The following MAPK10 variants were observed in gnomAD, a reference collection of about 807,000 sequenced individuals.
MAPK10 encodes mitogen-activated protein kinase 10, also known as JNK3 alpha protein kinase.
Under a neutral mutation model 59.3 loss-of-function variants are expected in MAPK10, and 25 were observed. That is an observed-to-expected ratio of 0.42 (90% CI 0.31 to 0.59). MAPK10 has a LOEUF of 0.59. Among genes scored for constraint, MAPK10 ranks in the 20% least tolerant of loss-of-function variants. The probability of loss-of-function intolerance (pLI) is 0.15; values close to 1 mark genes in which losing one functional copy is unlikely to be tolerated. For synonymous variants in MAPK10, 190 were observed against 200.5 expected (o/e 0.95, Z 0.44); for missense variants, 351 against 568.9 (o/e 0.62, Z 3.90).
chr4:86,193,978 T>C (rs1463034429), intron 3 of MAPK10: 3 of 235,678 alleles, frequency 1.3e-5, no homozygotes, highest in African/African-American at 2.3e-5. Flanking sequence ...CAGTTCCTCA[T>C]GGCTTCCCTT....
In MAPK10 at chr4:86,186,627, AAC is replaced by A. The variant is rs142381098; in HGVS notation, c.66+7707_66+7708del. Among the ~76,000 whole-genome samples the A allele has an allele frequency of 3.1e-3, 473 of 152,258 alleles. 6 individuals are homozygous for A. In the East Asian group the frequency reaches 0.054, roughly 17 times the overall value. On this transcript the variant is annotated intron_variant, in intron 3 of 13. Coordinates refer to ENST00000641462, the MANE Select transcript of MAPK10 (RefSeq NM_138982.4). ...ATGATTCATGTCATTCTTTATTTAA[AAC>A]ACAGCTCAAAGAGAAGGTGCAATGA...
chr4:86,449,048 G>A (rs577716067), intron 1 of MAPK10, among the ~76,000 whole-genome samples: 2 of 152,252 alleles, frequency 1.3e-5, no homozygotes, highest in East Asian at 1.9e-4. Context: ...GCAAGCAACT[G>A]TAAATACAGA....
rs866633713 is a variant in MAPK10 at position 86,359,812 on chromosome 4, C to T, written c.-276G>A. ...AAATTAACGATGGACAGGTGATTTCCAAGAAAACCCAATCTTAAACTCACT... is the reference window on the plus strand; with the variant it reads ...AAATTAACGATGGACAGGTGATTTCTAAGAAAACCCAATCTTAAACTCACT... On this transcript the variant is annotated 5_prime_UTR_variant, in exon 1 of 14. It introduces an in-frame stop codon into an upstream open reading frame of the 5' UTR. Transcript: ENST00000641462. 1.0e-6 allele frequency: 1 copy of T among 985,412 alleles called. No individual in the cohort carries two copies. The highest frequency in any genetic ancestry group is 1.2e-6 in the Non-Finnish European group (1 of 829,844). The allele number at this position is 985,412 out of a possible 1,614,324, so 61.0% of individuals were successfully genotyped here.
At chr4:86,135,441 C>G (rs138451300) in intron 4 of MAPK10, among the ~76,000 whole-genome samples, 5,574 of 152,226 alleles carry the variant, frequency 0.037, 257 homozygotes, top group African/African-American at 0.11. Flanking sequence ...AAACCTCACA[C>G]GGCAGGGTAC....
chr4:86,585,151 G>T (rs375782418), intron 1 of MAPK10, among the ~76,000 whole-genome samples: 2 of 151,982 alleles, frequency 1.3e-5, no homozygotes, highest in East Asian at 3.9e-4. Context: ...ACTTCTTTAG[G>T]TTCATATTAA....
At chr4:86,439,857 A>G (rs1191130272) in intron 1 of MAPK10, among the ~76,000 whole-genome samples, 1 of 152,130 alleles carries the variant, frequency 6.6e-6, no homozygotes, top group Non-Finnish European at 1.5e-5. Flanking sequence ...GTCCAAATAT[A>G]ACTAAGTATT....
Position 86,131,356 on chromosome 4 carries a change from A to C in MAPK10, c.237-24004T>G, listed in dbSNP as rs114329261. ...AGTAGAGAAAATAATAAACATGAAGAATTATTACTGCAGAATGTGGGATTG... is the reference window on the plus strand; with the variant it reads ...AGTAGAGAAAATAATAAACATGAAGCATTATTACTGCAGAATGTGGGATTG... On this transcript the variant is annotated intron_variant, in intron 4 of 13. Coordinates refer to ENST00000641462, the MANE Select transcript of MAPK10 (RefSeq NM_138982.4). 1.0e-2 allele frequency among the ~76,000 whole-genome samples: 1,522 copies of C among 152,284 alleles called. 22 individuals carry two copies. Among genetic ancestry groups the C allele is most frequent in the African/African-American group, 0.035 (1,442 of 41,562 alleles).
intron 4 of MAPK10, among the ~76,000 whole-genome samples, chr4:86,148,668 G>A (rs1337022098): frequency 3.9e-5 from 6 of 152,164 alleles, no homozygotes; most frequent in Admixed American, 2.0e-4. Context: ...TTTTAACTGA[G>A]GCAACTGAAG....
rs1483247740 is a variant in MAPK10, at chr4:86,011,148, G to T, written c.*6080C>A. On this transcript the variant is annotated 3_prime_UTR_variant, in exon 14 of 14. Coordinates refer to ENST00000641462, the MANE Select transcript of MAPK10 (RefSeq NM_138982.4). ...TGTCTGAGAAATATAAATTTCTACA[G>T]CACATTTTTAGTGCCTTAAACAGAC... is the stretch of plus-strand genomic sequence containing the variant. 1 of 152,232 alleles carries T rather than the reference G, an allele frequency of 6.6e-6. No homozygotes were observed. Among genetic ancestry groups the T allele is most frequent in the East Asian group, 1.9e-4 (1 of 5,200 alleles). 9.4% of individuals were successfully genotyped at this position (152,232 alleles called of 1,614,324 possible).
At chr4:86,576,617 A>G (rs977107254) in intron 1 of MAPK10, among the ~76,000 whole-genome samples, 2 of 150,622 alleles carry the variant, frequency 1.3e-5, no homozygotes, top group African/African-American at 4.9e-5. Flanking sequence ...TACTAAAAAT[A>G]CAAAAAATTA....
At chr4:86,580,934 C>A (rs1762220150) in intron 1 of MAPK10, among the ~76,000 whole-genome samples, 1 of 152,164 alleles carries the variant, frequency 6.6e-6, no homozygotes, top group African/African-American at 2.4e-5. Flanking sequence ...GTTGTGAAAT[C>A]AAAGGAAGGT....
intron 2 of MAPK10, among the ~76,000 whole-genome samples, chr4:86,248,535 A>G (rs2093243961): frequency 6.6e-6 from 1 of 152,230 alleles, no homozygotes; most frequent in Non-Finnish European, 1.5e-5. Flanking sequence ...TAGACATTAA[A>G]TGATGAAATA....
chr4:86,305,393 A>T (rs2095549024), intron 2 of MAPK10, among the ~76,000 whole-genome samples: 1 of 152,224 alleles, frequency 6.6e-6, no homozygotes. Context: ...ATTATGTAAG[A>T]TTTAGAATCA....
chr4:86,483,126 A>G (rs1001576828), intron 1 of MAPK10, among the ~76,000 whole-genome samples: 1 of 152,212 alleles, frequency 6.6e-6, no homozygotes, highest in Non-Finnish European at 1.5e-5. Context: ...GGCTGCCAGC[A>G]CTGAATCTTT....
intron 9 of MAPK10, among the ~76,000 whole-genome samples, chr4:86,069,564 G>A (rs1299342802): frequency 6.6e-6 from 1 of 151,980 alleles, no homozygotes; most frequent in Non-Finnish European, 1.5e-5. Flanking sequence ...TAATACTATG[G>A]ATATAGGTAA....
intron 3 of MAPK10, among the ~76,000 whole-genome samples, chr4:86,169,857 G>A (rs2073435990): frequency 6.6e-6 from 1 of 152,140 alleles, no homozygotes; most frequent in Non-Finnish European, 1.5e-5. Context: ...CAGACTAACA[G>A]CGGATCTCTC....
At chr4:86,174,919 T>C (rs2075324895) in intron 3 of MAPK10, among the ~76,000 whole-genome samples, 1 of 152,126 alleles carries the variant, frequency 6.6e-6, no homozygotes, top group Non-Finnish European at 1.5e-5. Flanking sequence ...TATTAAATTT[T>C]CCCTTAGAGG....
chr4:86,047,639 CGT>C (rs891414215), intron 11 of MAPK10, among the ~76,000 whole-genome samples: 3 of 151,986 alleles, frequency 2.0e-5, no homozygotes, highest in South Asian at 2.1e-4. Context: ...TGTGTGTGTA[CGT>C]GTGTGTGTGC....
intron 1 of MAPK10, among the ~76,000 whole-genome samples, chr4:86,370,150 A>C (rs1484560654): frequency 6.6e-6 from 1 of 152,196 alleles, no homozygotes; most frequent in Non-Finnish European, 1.5e-5. Flanking sequence ...ATGTTCTTAA[A>C]GTGTATATTC....
Sources: allele counts gnomAD v4.1 joint callset (sites outside exome capture counted in the v4.1 genomes callset), GRCh38; gene constraint gnomAD v4.1.1; transcripts MANE v1.5; gene names NCBI Gene and HGNC (gene_info 2026-07-23, HGNC 2026-07-21).